Variants in TXNDC11 observed in about 807,000 individuals in gnomAD.
TXNDC11 encodes the protein thioredoxin domain containing 11.
TXNDC11 carries 68 observed loss-of-function variants against 78.0 expected under a neutral mutation model. The observed-to-expected ratio is 0.87, with a 90% confidence interval of 0.72 to 1.07. The LOEUF (loss-of-function observed/expected upper bound fraction) is 1.07. Ranked by LOEUF, TXNDC11 falls within the 50% of genes least tolerant of loss-of-function variation. The pLI is 0.00. For synonymous variants in TXNDC11, 571 were observed against 495.2 expected (o/e 1.15, Z -2.03); for missense variants, 1,389 against 1,221.8 (o/e 1.14, Z -2.04).
intron 7 of TXNDC11, among the ~76,000 whole-genome samples, chr16:11,694,130 A>G (rs1255673106): frequency 3.4e-5 from 3 of 88,754 alleles, no homozygotes; most frequent in African/African-American, 1.5e-4. Context: ...TTTTTTTGAG[A>G]CAGAGTTTCA....
chr16:11,729,090 A>T (rs1319881171), intron 4 of TXNDC11, among the ~76,000 whole-genome samples: 2 of 152,236 alleles, frequency 1.3e-5, no homozygotes, highest in African/African-American at 2.4e-5. Context: ...TTGCTGTGCC[A>T]TCCCGAGTGG....
intron 3 of TXNDC11, 135 bp from the exon 4 acceptor site, chr16:11,730,909 A>G: frequency 1.6e-6 from 1 of 622,600 alleles, no homozygotes; most frequent in Non-Finnish European, 2.4e-6. Flanking sequence ...CAAGTCACAG[A>G]TCAGTAGCCT....
chr16:11,736,439 C>G (rs965101616), intron 1 of TXNDC11, among the ~76,000 whole-genome samples: 1 of 152,128 alleles, frequency 6.6e-6, no homozygotes, highest in African/African-American at 2.4e-5. Flanking sequence ...AGATTCTGTC[C>G]CCTAGGTGTA....
intron 5 of TXNDC11, among the ~76,000 whole-genome samples, chr16:11,716,276 C>T (rs1163688136): frequency 6.6e-6 from 1 of 152,200 alleles, no homozygotes; most frequent in Non-Finnish European, 1.5e-5. Context: ...AAAAAAGCCA[C>T]TGAATTATAG....
chr16:11,733,325 G>C (rs950877960), intron 3 of TXNDC11, among the ~76,000 whole-genome samples: 1 of 151,986 alleles, frequency 6.6e-6, no homozygotes, highest in African/African-American at 2.4e-5. Flanking sequence ...TGTGACTTTA[G>C]AATTGTGGAC....
intron 4 of TXNDC11, among the ~76,000 whole-genome samples, chr16:11,729,195 T>A (rs1288368846): frequency 6.6e-6 from 1 of 152,162 alleles, no homozygotes; most frequent in East Asian, 1.9e-4. Flanking sequence ...CCCAGGCCCC[T>A]GATGCCCAGG....
intron 10 of TXNDC11, among the ~76,000 whole-genome samples, chr16:11,685,979 GAC>G (rs1473782036): frequency 6.6e-6 from 1 of 151,494 alleles, no homozygotes; most frequent in Non-Finnish European, 1.5e-5. Flanking sequence ...TTTTTTCTGA[GAC>G]ACAGTCTTGC....
intron 11 of TXNDC11, among the ~76,000 whole-genome samples, chr16:11,682,465 G>C (rs1195367240): frequency 6.6e-6 from 1 of 152,216 alleles, no homozygotes; most frequent in Non-Finnish European, 1.5e-5. Context: ...GGCAGCCTAA[G>C]AACGAAGGTC....
intron 4 of TXNDC11, among the ~76,000 whole-genome samples, chr16:11,727,985 G>C (rs900506174): frequency 1.3e-5 from 2 of 152,104 alleles, no homozygotes; most frequent in African/African-American, 4.8e-5. Context: ...CAGGGATATT[G>C]CTAAATATCC....
intron 4 of TXNDC11, among the ~76,000 whole-genome samples, chr16:11,730,150 G>A (rs2052005267): frequency 6.6e-6 from 1 of 152,136 alleles, no homozygotes; most frequent in Non-Finnish European, 1.5e-5. Context: ...AAGCAGGAAA[G>A]AAGCTACATC....
rs543014678 is a variant in TXNDC11 at position 11,691,350 on chromosome 16, C to A, written c.1840G>T (p.Val614Leu). 2 of 1,614,198 alleles carry A rather than the reference C, an allele frequency of 1.2e-6. No individual in the cohort carries two copies. Among genetic ancestry groups the A allele is most frequent in the Middle Eastern group, 1.6e-4 (1 of 6,062 alleles). Reference protein sequence around the residue: ...QVKEFAAIVDVKEESHYILDP... With the variant: ...QVKEFAAIVDLKEESHYILDP... The stretch of plus-strand genomic sequence containing the variant: ...AAGATGTAATGAGATTCTTCTTTCA[C>A]GTCAACAATTGCCGCAAATTCTTTC... The change falls in exon 8 of 12, where the codon GTG becomes TTG. Residue 614 changes from valine to leucine, a missense_variant. Coordinates refer to ENST00000283033, the MANE Select transcript of TXNDC11 (RefSeq NM_015914.7).
rs1422509576 is a variant in TXNDC11, at chr16:11,733,907, T to C, written c.569+75A>G. ...ATAGTGAATATCTAATACTTTAATA[T>C]AGAAAAAATGCAAAATTCATTTATA... On this transcript the variant is annotated intron_variant, in intron 3 of 11. Coordinates refer to ENST00000283033, the MANE Select transcript of TXNDC11 (RefSeq NM_015914.7). The C allele has an allele frequency of 8.5e-6, 9 of 1,056,712 alleles. No homozygotes were observed. The South Asian group carries it at 1.1e-4, about 13-fold the overall frequency. The allele number at this position is 1,056,712 out of a possible 1,614,324, so 65.5% of individuals were successfully genotyped here.
chr16:11,741,355 G>A (rs2052386039), intron 1 of TXNDC11, among the ~76,000 whole-genome samples: 1 of 152,138 alleles, frequency 6.6e-6, no homozygotes, highest in Non-Finnish European at 1.5e-5. Context: ...GAAATATACA[G>A]CAAATTTTGT....
intron 4 of TXNDC11, among the ~76,000 whole-genome samples, chr16:11,722,680 C>A (rs888317259): frequency 6.6e-6 from 1 of 152,042 alleles, no homozygotes; most frequent in African/African-American, 2.4e-5. Context: ...CCTGATGAAC[C>A]GTAAAGCACT....
In TXNDC11 at chr16:11,679,231, C is replaced by T. The variant is rs1435640337; in HGVS notation, c.2841G>A (p.Leu947=). The T allele has an allele frequency of 6.2e-7, 1 of 1,613,556 alleles. No homozygotes were observed. Among genetic ancestry groups the T allele is most frequent in the African/African-American group, 1.3e-5 (1 of 74,900 alleles). The stretch of plus-strand genomic sequence containing the variant: ...TGTTCTCCTTATTCCTTTCAGACAC[C>T]AGTGTGGCGCTGACATTGGCAGGTG... The part of the protein sequence containing the change: ...SPPPANVSAT[L]VSERNKENRT... The change falls in exon 12 of 12, where the codon CTG becomes CTA. Residue 947 remains leucine (L), a synonymous_variant. Coordinates refer to ENST00000283033, the MANE Select transcript of TXNDC11 (RefSeq NM_015914.7). The surrounding 1 kb of genome is among the most constrained non-coding windows in gnomAD (Gnocchi z 4.6).
intron 10 of TXNDC11, among the ~76,000 whole-genome samples, chr16:11,687,170 C>T (rs1011773021): frequency 6.6e-6 from 1 of 152,010 alleles, no homozygotes; most frequent in Non-Finnish European, 1.5e-5. Context: ...TTTATTTTTC[C>T]AACTGCTTCC....
intron 4 of TXNDC11, among the ~76,000 whole-genome samples, chr16:11,727,050 C>T (rs1261180928): frequency 1.3e-5 from 2 of 152,094 alleles, no homozygotes; most frequent in Admixed American, 6.5e-5. Context: ...GAGACTCTGT[C>T]TCAAAAACAA....
chr16:11,681,825 C>A (rs1418274404), intron 11 of TXNDC11, among the ~76,000 whole-genome samples: 1 of 152,230 alleles, frequency 6.6e-6, no homozygotes, highest in Non-Finnish European at 1.5e-5. Flanking sequence ...TCCCTCAAGG[C>A]CCCACCCCTT....
rs377669226 is a variant in TXNDC11 at position 11,698,086 on chromosome 16, C to T, written c.1107+39G>A. The T allele has an allele frequency of 1.3e-5, 20 of 1,587,778 alleles. No homozygotes were observed. In the African/African-American group the frequency reaches 2.7e-4, roughly 21 times the overall value. ...GAGGAGCCAGGTAGATGAGGCTTTC[C>T]TACTCCTCATGAGGTGCTTTTCACA... On this transcript the variant is annotated intron_variant, in intron 7 of 11. Transcript: ENST00000283033.
Sources: gnomAD v4.1 joint callset for allele counts (sites outside exome capture counted in the v4.1 genomes callset) on GRCh38, gnomAD v4.1.1 for gene constraint, Gnocchi (gnomAD v3.1) non-coding constraint, MANE v1.5 for transcripts, NCBI Gene and HGNC (gene_info 2026-07-23, HGNC 2026-07-21) for gene names.